ERMAP: variants seen among roughly 807,000 people sequenced by gnomAD.
The protein encoded by ERMAP is erythroblast membrane associated protein (Scianna blood group), also known as erythroid membrane-associated protein.
In ERMAP, 34 loss-of-function variants were observed where a neutral mutation model predicts 49.5. The observed-to-expected ratio is 0.69, with a 90% CI of 0.52 to 0.91. The LOEUF is 0.91. Among genes scored for constraint, ERMAP ranks in the 40% least tolerant of loss-of-function variants. The probability of loss-of-function intolerance (pLI) is 0.00; values close to 1 mark genes in which losing one functional copy is unlikely to be tolerated. For missense variants in ERMAP, 541 were observed against 582.6 expected, an observed-to-expected ratio of 0.93 and a Z score of 0.74; for synonymous variants, 214 against 232.2, an observed-to-expected ratio of 0.92 and a Z score of 0.71.
chr1:42,840,310 A>C lies in ERMAP; in HGVS notation c.712+14A>C. The C allele has an allele frequency of 6.2e-7, 1 of 1,614,162 alleles. No homozygotes were observed. The highest frequency in any genetic ancestry group is 1.7e-5 in the Admixed American group (1 of 60,028). On this transcript the variant is annotated intron_variant, in intron 11 of 11. Coordinates refer to ENST00000372517, the MANE Select transcript of ERMAP (RefSeq NM_001017922.2). ...GGTTGCATTTTGGTAAGTTATACCA[A>C]TCAAATAGGTCCATATCTCAGAGCA...
rs1357877544 is a variant in ERMAP at position 42,830,617 on chromosome 1, T to C, written c.85+84T>C. ...TAAGGAAGCTTGGCTGGAAACATTA[T>C]GTCTTTTGGGGTTCTGTTCCCCCGG... On this transcript the variant is annotated intron_variant, in intron 3 of 11. Coordinates refer to ENST00000372517, the MANE Select transcript of ERMAP (RefSeq NM_001017922.2). 7.2e-6 allele frequency: 11 copies of C among 1,527,352 alleles called. No homozygotes were observed. The East Asian group carries it at 9.0e-5, about 12-fold the overall frequency. The allele number at this position is 1,527,352 out of a possible 1,614,324, so 94.6% of individuals were successfully genotyped here.
In ERMAP at chr1:42,838,912, A is replaced by C; in HGVS notation, c.628A>C (p.Lys210Gln). 5.0e-6 allele frequency: 8 copies of C among 1,614,170 alleles called. No homozygotes were observed. Among genetic ancestry groups the C allele is most frequent in the Non-Finnish European group, 6.8e-6 (8 of 1,180,016 alleles). Residue 210 changes from lysine (K) to glutamine (Q), a missense_variant, in exon 8 of 12, where the codon AAA (lysine) becomes CAA (glutamine). Coordinates refer to ENST00000372517, the MANE Select transcript of ERMAP (RefSeq NM_001017922.2). ...TTTCTGGTTTTTAGGAAAACTCCAT[A>C]AAGCTGTCAGTAAGTTTTGCTCCTC... ...DHAKEKGKLH[K>Q]AVKKLRSELK...
At position 42,817,267 on chromosome 1, in the gene ERMAP, T is replaced by G; in HGVS notation, c.-122+14T>G. The G allele has an allele frequency of 8.1e-7, 1 of 1,241,914 alleles. No homozygotes were observed. Among genetic ancestry groups the G allele is most frequent in the Non-Finnish European group, 1.0e-6 (1 of 964,996 alleles). 76.9% of individuals were successfully genotyped at this position (1,241,914 alleles called of 1,614,324 possible). ...GCCTCCGGGAGGGTAATCCTCGCCTTCCCCCGACCACTGGACCCAGCGCTG... is the reference window on the plus strand; with the variant it reads ...GCCTCCGGGAGGGTAATCCTCGCCTGCCCCCGACCACTGGACCCAGCGCTG... On this transcript the variant is annotated intron_variant, in intron 1 of 11. Transcript: ENST00000372517.
chr1:42,835,177 C>A, intron 5 of ERMAP, 23 bp downstream of exon 5: 1 of 996,330 alleles, frequency 1.0e-6, no homozygotes, highest in Non-Finnish European at 1.6e-6. Context: ...TAAGGGAGCT[C>A]AGGCTGGTGG....
At chr1:42,831,286 T>C (rs1335651219) in intron 4 of ERMAP, among the ~76,000 whole-genome samples, 171 bp downstream of exon 4, 1 of 152,242 alleles carries the variant, frequency 6.6e-6, no homozygotes, top group Non-Finnish European at 1.5e-5. Flanking sequence ...GCTGAGGCTG[T>C]GAAGCTGGCC....
At chr1:42,823,697 G>A (rs1654459518) in intron 1 of ERMAP, among the ~76,000 whole-genome samples, 1 of 152,168 alleles carries the variant, frequency 6.6e-6, no homozygotes, top group Admixed American at 6.5e-5. Context: ...CCTCGATAAA[G>A]TCATCATACT....
intron 4 of ERMAP, among the ~76,000 whole-genome samples, chr1:42,831,853 A>G (rs1654750841): frequency 6.6e-6 from 1 of 152,024 alleles, no homozygotes; most frequent in African/African-American, 2.4e-5. Context: ...TTGGCATTAC[A>G]GGTGTGAGCC....
chr1:42,836,766 A>G (rs1319206156), intron 6 of ERMAP, among the ~76,000 whole-genome samples: 1 of 152,072 alleles, frequency 6.6e-6, no homozygotes, highest in African/African-American at 2.4e-5. Flanking sequence ...AGACAGGAGA[A>G]TTGCTTGAAC....
chr1:42,826,923 T>C (rs985423665), intron 2 of ERMAP, among the ~76,000 whole-genome samples: 1 of 151,470 alleles, frequency 6.6e-6, no homozygotes, highest in African/African-American at 2.4e-5. Flanking sequence ...GACTAAGCCA[T>C]CTGATTCTAG....
intron 1 of ERMAP, among the ~76,000 whole-genome samples, chr1:42,823,010 A>C (rs377315095): frequency 6.6e-6 from 1 of 152,336 alleles, no homozygotes; most frequent in South Asian, 2.1e-4. Context: ...AGACAGCTGT[A>C]TTCTCAAGCC....
At chr1:42,840,628 T>C (rs1248192006) in intron 11 of ERMAP, among the ~76,000 whole-genome samples, 1 of 152,228 alleles carries the variant, frequency 6.6e-6, no homozygotes, top group Non-Finnish European at 1.5e-5. Context: ...ATTTGGGCTT[T>C]TTTTTGATTT....
rs192843464 is a variant in ERMAP at position 42,822,464 on chromosome 1, G to A, written c.-121-3159G>A. Among the ~76,000 whole-genome samples, 100 of 152,288 alleles carry A rather than the reference G, an allele frequency of 6.6e-4. 2 individuals are homozygous for A. The highest frequency in any genetic ancestry group is 1.5e-4 in the Non-Finnish European group (10 of 68,022). The stretch of plus-strand genomic sequence containing the variant: ...CTCCCAAAGTGCTGGGATTACAGGC[G>A]TGAGCCACTGCACCCAGCCCTAATT... On this transcript the variant is annotated intron_variant, in intron 1 of 11. Coordinates refer to ENST00000372517, the MANE Select transcript of ERMAP (RefSeq NM_001017922.2).
Position 42,844,025 on chromosome 1 carries a change from G to C in ERMAP, c.*793G>C, listed in dbSNP as rs1655144307. ...CAGACCTTCAGAGGCTCAGTCTGTT[G>C]AGTCTGTTGTGACTGTCTTATGAAT... On this transcript the variant is annotated 3_prime_UTR_variant, in exon 12 of 12. Coordinates refer to ENST00000372517, the MANE Select transcript of ERMAP (RefSeq NM_001017922.2). This position sits in a 1 kb window ranked among gnomAD's most constrained non-coding sequence, Gnocchi z 4.0. 1 of 398,446 alleles carries C rather than the reference G, an allele frequency of 2.5e-6. No homozygotes were observed. The highest frequency in any genetic ancestry group is 2.1e-5 in the African/African-American group (1 of 48,618). 24.7% of individuals were successfully genotyped at this position (398,446 alleles called of 1,614,324 possible). A position where few individuals can be genotyped will look rare whatever the true frequency, so the allele number is the denominator to read the frequency against.
chr1:42,835,603 T>C, intron 5 of ERMAP, 129 bp from the exon 6 acceptor site: 1 of 1,254,472 alleles, frequency 8.0e-7, no homozygotes, highest in Non-Finnish European at 1.1e-6. Context: ...TCTAATCCTT[T>C]CAAATGCCCG....
At chr1:42,841,375 T>C (rs573897262) in intron 11 of ERMAP, among the ~76,000 whole-genome samples, 12 of 152,288 alleles carry the variant, frequency 7.9e-5, no homozygotes, top group Non-Finnish European at 7.3e-5. Flanking sequence ...TATATTAACA[T>C]TTAAAAATAA....
At chr1:42,840,320 T>C (rs764997484) in intron 11 of ERMAP, 24 bp downstream of exon 11, 1 of 1,614,062 alleles carries the variant, frequency 6.2e-7, no homozygotes, top group Non-Finnish European at 8.5e-7. Flanking sequence ...ATCAAATAGG[T>C]CCATATCTCA....
At chr1:42,833,647 T>C (rs1654813765) in intron 4 of ERMAP, among the ~76,000 whole-genome samples, 1 of 152,188 alleles carries the variant, frequency 6.6e-6, no homozygotes, top group Non-Finnish European at 1.5e-5. Context: ...GAAAGTGATT[T>C]TGATTTTTTT....
chr1:42,839,144 A>C, intron 8 of ERMAP: 1 of 662,042 alleles, frequency 1.5e-6, no homozygotes, highest in Admixed American at 2.8e-5. Flanking sequence ...AAAACGTTTC[A>C]CCAGGAAGAG....
chr1:42,829,430 T>C (rs1477415824), intron 2 of ERMAP, among the ~76,000 whole-genome samples: 3 of 152,168 alleles, frequency 2.0e-5, no homozygotes, highest in Non-Finnish European at 2.9e-5. Flanking sequence ...ATTTGAACCT[T>C]GGAGAGAATT....
Sources: allele counts gnomAD v4.1 joint callset (sites outside exome capture counted in the v4.1 genomes callset), GRCh38; gene constraint gnomAD v4.1.1; non-coding constraint Gnocchi (gnomAD v3.1); transcripts MANE v1.5; gene names NCBI Gene and HGNC (gene_info 2026-07-23, HGNC 2026-07-21).